Variants in BAZ2B observed in about 807,000 individuals in gnomAD.
BAZ2B encodes the protein bromodomain adjacent to zinc finger domain protein 2B.
BAZ2B carries 91 observed loss-of-function variants against 246.0 expected under a neutral mutation model. That is an observed-to-expected ratio of 0.37 (90% CI 0.31 to 0.44). The LOEUF (loss-of-function observed/expected upper bound fraction) is 0.44, where lower values mean the gene tolerates loss of function less well. Among genes scored for constraint, BAZ2B ranks in the 20% least tolerant of loss-of-function variants. The pLI is 1.00. For missense variants in BAZ2B, 2,332 were observed against 2,533.7 expected (o/e 0.92, Z 1.71); for synonymous variants, 855 against 860.0 (o/e 0.99, Z 0.10).
At chr2:159,563,249 T>C (rs578058755) in intron 1 of BAZ2B, among the ~76,000 whole-genome samples, 1 of 152,220 alleles carries the variant, frequency 6.6e-6, no homozygotes, top group East Asian at 1.9e-4. Context: ...AACAAAAAAT[T>C]TGGTCTAATG....
rs568340500 is a variant in BAZ2B, at chr2:159,348,797, T to C, written c.5174A>G (p.Glu1725Gly). 6.2e-7 allele frequency: 1 copy of C among 1,609,580 alleles called. No individual in the cohort carries two copies. Among genetic ancestry groups the C allele is most frequent in the African/African-American group, 1.3e-5 (1 of 74,780 alleles). Residue 1725 changes from glutamate (E) to glycine (G), a missense_variant, in exon 30 of 37, where the codon GAG (glutamate) becomes GGG (glycine). Glu to Gly is a moderately conservative substitution (Grantham distance 98). This residue lies in a region of BAZ2B where 676 missense variants were observed against 668.6 expected (regional missense o/e 1.01). Coordinates refer to ENST00000392783, the MANE Select transcript of BAZ2B (RefSeq NM_013450.4). Reference protein sequence around the residue: ...QFGWWRIIDPEDLKALLKVLH... With the variant: ...QFGWWRIIDPGDLKALLKVLH... ...CACTTTGAGCAAAGCTTTTAGGTCCTCTGGGTCAATAATTCTCCACCAACC... is the reference window on the plus strand; with the variant it reads ...CACTTTGAGCAAAGCTTTTAGGTCCCCTGGGTCAATAATTCTCCACCAACC...
intron 14 of BAZ2B, among the ~76,000 whole-genome samples, chr2:159,411,014 G>A (rs2066751936): frequency 6.6e-6 from 1 of 152,092 alleles, no homozygotes; most frequent in Non-Finnish European, 1.5e-5. Context: ...TGATAACAAT[G>A]AGAATGTCTT....
chr2:159,595,072 GA>G (rs1291273763), intron 1 of BAZ2B, among the ~76,000 whole-genome samples: 1 of 151,794 alleles, frequency 6.6e-6, no homozygotes, highest in Admixed American at 6.6e-5. Context: ...GCAAAATACT[GA>G]AACATTGATT....
chr2:159,462,767 C>A (rs536032275), intron 3 of BAZ2B: 480 of 1,410,790 alleles, frequency 3.4e-4, no homozygotes, highest in African/African-American at 2.1e-3. Context: ...TTTAGGCTGA[C>A]ACTCATGGCT....
the BAZ2B span, among the ~76,000 whole-genome samples, chr2:159,695,657 C>T: frequency 0.86 from 131,169 of 152,168 alleles, 56,748 homozygotes; most frequent in Middle Eastern, 0.95. Context: ...CATTGAATTA[C>T]CTTGGCATTC....
intron 34 of BAZ2B, among the ~76,000 whole-genome samples, chr2:159,328,070 G>GA (rs1306873341): frequency 0.056 from 2,776 of 49,510 alleles, 76 homozygotes; most frequent in East Asian, 0.16. Context: ...GCCTCAAAAC[G>GA]AAAAAAAAAA....
At chr2:159,635,355 TA>T in the BAZ2B span, among the ~76,000 whole-genome samples, 12 of 147,152 alleles carry the variant, frequency 8.2e-5, no homozygotes, top group Admixed American at 1.4e-4. Context: ...AAGAAAAATG[TA>T]AAAAAAAAAT....
chr2:159,466,979 G>C (rs1479324881), intron 3 of BAZ2B, among the ~76,000 whole-genome samples: 1 of 152,056 alleles, frequency 6.6e-6, no homozygotes, highest in Non-Finnish European at 1.5e-5. Context: ...CCAGTCAAGG[G>C]GACACATCAA....
chr2:159,478,503 GTGCTCAA>G lies in BAZ2B; in HGVS notation c.145+65_145+71del, dbSNP rs541199486. ...GCAAGTCATGAGAATATTTTATTCA[GTGCTCAA>G]TAAAATATTATGCAAATTATTAAAA... On this transcript the variant is annotated intron_variant, in intron 3 of 36. Coordinates refer to ENST00000392783, the MANE Select transcript of BAZ2B (RefSeq NM_013450.4). 212 of 1,458,948 alleles carry G rather than the reference GTGCTCAA, an allele frequency of 1.5e-4. No homozygotes were observed. The African/African-American group carries it at 2.5e-3, about 17-fold the overall frequency. The allele number at this position is 1,458,948 out of a possible 1,614,324, so 90.4% of individuals were successfully genotyped here.
chr2:159,420,270 C>T (rs1179225447), intron 13 of BAZ2B, among the ~76,000 whole-genome samples: 2 of 152,096 alleles, frequency 1.3e-5, no homozygotes, highest in African/African-American at 4.8e-5. Context: ...CTGCCTGGCA[C>T]ATTAAGTATT....
intron 31 of BAZ2B, among the ~76,000 whole-genome samples, chr2:159,342,278 T>C (rs1213935173): frequency 6.6e-6 from 1 of 152,162 alleles, no homozygotes; most frequent in Non-Finnish European, 1.5e-5. Flanking sequence ...GCTATTCCTA[T>C]AAAACTACCA....
At chr2:159,582,844 C>G (rs1351690901) in intron 1 of BAZ2B, among the ~76,000 whole-genome samples, 2 of 152,158 alleles carry the variant, frequency 1.3e-5, no homozygotes, top group African/African-American at 4.8e-5. Context: ...AAAATATACA[C>G]TGGGAACACT....
At chr2:159,477,131 C>T (rs960482185) in intron 3 of BAZ2B, among the ~76,000 whole-genome samples, 1 of 151,966 alleles carries the variant, frequency 6.6e-6, no homozygotes, top group Non-Finnish European at 1.5e-5. Flanking sequence ...CGGTGAAACC[C>T]CGTCTCTACT....
At chr2:159,361,272 C>A (rs1326602118) in intron 27 of BAZ2B, among the ~76,000 whole-genome samples, 1 of 152,024 alleles carries the variant, frequency 6.6e-6, no homozygotes. Flanking sequence ...TAAACAACCC[C>A]ATCAAAAAGT....
At chr2:159,687,593 C>A in the BAZ2B span, among the ~76,000 whole-genome samples, 4 of 152,234 alleles carry the variant, frequency 2.6e-5, no homozygotes, top group Admixed American at 6.5e-5. Flanking sequence ...GTACTCAAGA[C>A]CCTTCCAGAC....
chr2:159,564,186 A>G (rs2090141696), intron 1 of BAZ2B, among the ~76,000 whole-genome samples: 1 of 152,224 alleles, frequency 6.6e-6, no homozygotes, highest in Non-Finnish European at 1.5e-5. Context: ...GGAACATTCC[A>G]GATAGAACAG....
Position 159,374,770 on chromosome 2 carries a change from AC to A in BAZ2B, c.4006-18del, listed in dbSNP as rs1207443540. 6.2e-7 allele frequency: 1 copy of A among 1,601,470 alleles called. No individual in the cohort carries two copies. The highest frequency in any genetic ancestry group is 1.3e-5 in the African/African-American group (1 of 74,748). On this transcript the variant is annotated intron_variant, in intron 25 of 36. Transcript: ENST00000392783. Reference sequence around the variant, plus strand: ...ACCTTCATCCTATACATAAGAAAATACAGTGTCATTTATCTGTTTTAAGATT... The same window carrying A: ...ACCTTCATCCTATACATAAGAAAATAAGTGTCATTTATCTGTTTTAAGATT...
rs553646770 is a variant in BAZ2B at position 159,339,665 on chromosome 2, C to T, written c.5455-1893G>A. ...CACAATAGCTAAAATATGGAATCAA[C>T]CTAAATGCCCATCAACAGATGAATG... On this transcript the variant is annotated intron_variant, in intron 31 of 36. Transcript: ENST00000392783. Among the ~76,000 whole-genome samples the T allele has an allele frequency of 8.5e-5, 13 of 152,134 alleles. No homozygotes were observed. In the South Asian group the frequency reaches 2.5e-3, roughly 29 times the overall value.
intron 2 of BAZ2B, among the ~76,000 whole-genome samples, chr2:159,522,559 C>A (rs1329238085): frequency 6.6e-6 from 1 of 152,128 alleles, no homozygotes; most frequent in Admixed American, 6.6e-5. Context: ...GCAAAAATAA[C>A]CAAAGGCAGT....
Sources: allele counts gnomAD v4.1 joint callset (sites outside exome capture counted in the v4.1 genomes callset), GRCh38; gene constraint gnomAD v4.1.1; regional missense constraint gnomAD v4.1.1; transcripts MANE v1.5; gene names NCBI Gene and HGNC (gene_info 2026-07-23, HGNC 2026-07-21).